The following EXD3 variants were observed in gnomAD, a reference collection of about 807,000 sequenced individuals.
EXD3 encodes the protein exonuclease mut-7 homolog.
A neutral mutation model predicts 98.0 loss-of-function variants in EXD3; 92 were observed. The observed-to-expected ratio is 0.94, with a 90% CI of 0.79 to 1.12. The LOEUF (loss-of-function observed/expected upper bound fraction) is 1.12, where lower values mean the gene tolerates loss of function less well. EXD3 is among the 50% of genes most tolerant of loss of function. The pLI, the probability that EXD3 is intolerant of heterozygous loss-of-function variation, is 0.00. For synonymous variants in EXD3, 569 were observed against 526.0 expected (o/e 1.08, Z -1.12); for missense variants, 1,222 against 1,191.6 (o/e 1.03, Z -0.38).
rs1835138150 is a variant in EXD3, at chr9:137,364,769, TG to T, written c.656+1723del. ...TCAATGCATTCACTGTTTTGTTCTA[TG>T]TTTTTTTTTTTTTTTTGAGACTGAG... On this transcript the variant is annotated intron_variant, in intron 7 of 21. Transcript: ENST00000340951. Among the ~76,000 whole-genome samples the T allele has an allele frequency of 3.9e-5, 4 of 101,434 alleles. No individual in the cohort carries two copies. In the South Asian group the frequency reaches 1.9e-3, roughly 48 times the overall value. The allele number at this position is 101,434 out of a possible 152,430, so 66.5% of individuals were successfully genotyped here.
chr9:137,406,604 C>T (rs1459966732), intron 1 of EXD3, among the ~76,000 whole-genome samples: 1 of 152,224 alleles, frequency 6.6e-6, no homozygotes, highest in Non-Finnish European at 1.5e-5. Context: ...CCCTCGACCC[C>T]CAGACGGCAG....
chr9:137,318,905 C>T (rs1021092933), intron 19 of EXD3, among the ~76,000 whole-genome samples: 2 of 152,270 alleles, frequency 1.3e-5, no homozygotes, highest in Non-Finnish European at 2.9e-5. Flanking sequence ...CTGTTGCTCA[C>T]TCCCTGCTGT....
chr9:137,373,093 A>G, intron 4 of EXD3, 21 bp from the exon 5 acceptor site: 1 of 1,538,908 alleles, frequency 6.5e-7, no homozygotes, highest in East Asian at 2.3e-5. Flanking sequence ...AGGGACCCAG[A>G]CTTACTGGAC....
chr9:137,412,753 T>A (rs1174735141), intron 1 of EXD3, among the ~76,000 whole-genome samples: 1 of 152,218 alleles, frequency 6.6e-6, no homozygotes, highest in Non-Finnish European at 1.5e-5. Context: ...CAAAGGGAAT[T>A]CCATGTGTTT....
At chr9:137,344,714 C>T (rs1040156530) in intron 17 of EXD3, among the ~76,000 whole-genome samples, 38 of 152,204 alleles carry the variant, frequency 2.5e-4, no homozygotes, top group African/African-American at 8.9e-4. Context: ...TAAGAGCGCT[C>T]CCCTCAGTCC....
intron 19 of EXD3, among the ~76,000 whole-genome samples, chr9:137,317,935 G>A (rs1831781545): frequency 2.0e-5 from 3 of 152,174 alleles, no homozygotes; most frequent in Non-Finnish European, 4.4e-5. Flanking sequence ...ACATGGGGGT[G>A]CCAAGCGTGG....
intron 2 of EXD3, 120 bp from the exon 3 acceptor site, chr9:137,383,497 C>A (rs888379169): frequency 9.9e-5 from 69 of 696,746 alleles, no homozygotes; most frequent in Non-Finnish European, 1.5e-4. Context: ...ACCCGGGGGG[C>A]CGGGAACCCT....
rs542474239 is a variant in EXD3 at position 137,382,074 on chromosome 9, GC to G, written c.120+1238del. Among the ~76,000 whole-genome samples, 31 of 127,892 alleles carry G rather than the reference GC, an allele frequency of 2.4e-4. No individual in the cohort carries two copies. The East Asian group carries it at 3.8e-3, about 16-fold the overall frequency. The allele number at this position is 127,892 out of a possible 152,430, so 83.9% of individuals were successfully genotyped here. A position where few individuals can be genotyped will look rare whatever the true frequency, so the allele number is the denominator to read the frequency against. ...GAGGGCGCGCGGAGGAGGTGAGGGCGCGCGGTGGAGGTCAGGGCGGCGGTGG... is the reference window on the plus strand; with the variant it reads ...GAGGGCGCGCGGAGGAGGTGAGGGCGGCGGTGGAGGTCAGGGCGGCGGTGG... On this transcript the variant is annotated intron_variant, in intron 3 of 21. Coordinates refer to ENST00000340951, the MANE Select transcript of EXD3 (RefSeq NM_017820.5).
intron 5 of EXD3, among the ~76,000 whole-genome samples, chr9:137,370,791 C>CTT (rs1158053438): frequency 0.018 from 2,296 of 129,962 alleles, 49 homozygotes; most frequent in African/African-American, 0.051. Context: ...CCAAGAGGGC[C>CTT]TTTTTTTTTT....
At position 137,349,443 on chromosome 9, in the gene EXD3, G is replaced by A. The variant is rs528975967; in HGVS notation, c.1583C>T (p.Thr528Ile). ...LSLLVQQVLGTALDKTQQLSN... is the reference protein window; with the variant it reads ...LSLLVQQVLGIALDKTQQLSN... ...CAGCTGCTGCGTCTTGTCCAGGGCTGTGCCCAGCACCTGCTGCACCAGGAG... is the reference window on the plus strand; with the variant it reads ...CAGCTGCTGCGTCTTGTCCAGGGCTATGCCCAGCACCTGCTGCACCAGGAG... Residue 528 changes from threonine to isoleucine, a missense_variant, in exon 15 of 22, where the codon ACA (threonine) becomes ATA (isoleucine). Transcript: ENST00000340951. The surrounding 1 kb of genome is among the most constrained non-coding windows in gnomAD (Gnocchi z 7.4). The A allele has an allele frequency of 1.9e-6, 3 of 1,601,832 alleles. No individual in the cohort carries two copies. Among genetic ancestry groups the A allele is most frequent in the African/African-American group, 1.3e-5 (1 of 74,924 alleles).
chr9:137,362,652 G>A (rs1004951765), intron 7 of EXD3, among the ~76,000 whole-genome samples: 5 of 151,998 alleles, frequency 3.3e-5, no homozygotes, highest in African/African-American at 4.8e-5. Flanking sequence ...GTGAGCCACC[G>A]TGCACGGCCC....
Position 137,381,273 on chromosome 9 carries a change from G to C in EXD3, c.120+2040C>G, listed in dbSNP as rs572482057. The stretch of plus-strand genomic sequence containing the variant: ...TAAAAATACAAAAAAAAAATTAGTC[G>C]GGCGTGGTGGCGCGCGCCTGTAATC... On this transcript the variant is annotated intron_variant, in intron 3 of 21. Transcript: ENST00000340951. The C allele has an allele frequency of 2.7e-5, 4 of 148,776 alleles. No homozygotes were observed. The South Asian group carries it at 6.3e-4, about 23-fold the overall frequency. 9.2% of individuals were successfully genotyped at this position (148,776 alleles called of 1,614,324 possible). A position where few individuals can be genotyped will look rare whatever the true frequency, so the allele number is the denominator to read the frequency against.
At chr9:137,416,733 T>C (rs1838250016) in intron 1 of EXD3, among the ~76,000 whole-genome samples, 1 of 152,096 alleles carries the variant, frequency 6.6e-6, no homozygotes, top group African/African-American at 2.4e-5. Flanking sequence ...TTCCAGGACC[T>C]GGTTCCCCGT....
chr9:137,320,756 C>G (rs1000807816), intron 19 of EXD3, among the ~76,000 whole-genome samples: 1 of 152,210 alleles, frequency 6.6e-6, no homozygotes, highest in Admixed American at 6.5e-5. Context: ...GGGGCACTCC[C>G]CAGCACCCGG....
chr9:137,349,788 C>T lies in EXD3; in HGVS notation c.1495-257G>A, dbSNP rs1170126657. Among the ~76,000 whole-genome samples, 1 of 152,152 alleles carries T rather than the reference C, an allele frequency of 6.6e-6. No individual in the cohort carries two copies. The highest frequency in any genetic ancestry group is 6.5e-5 in the Admixed American group (1 of 15,280). On this transcript the variant is annotated intron_variant, in intron 14 of 21. Transcript: ENST00000340951. The surrounding 1 kb of genome is among the most constrained non-coding windows in gnomAD (Gnocchi z 7.4). ...GCAGTCCCACGGTAACCCCGCCCAG[C>T]CCCTCACAGCCTCAGAGAGCCCGGG...
At chr9:137,368,610 C>T (rs1835395447) in intron 5 of EXD3, among the ~76,000 whole-genome samples, 1 of 152,240 alleles carries the variant, frequency 6.6e-6, no homozygotes, top group African/African-American at 2.4e-5. Context: ...GCTCCCATAG[C>T]CAGCAAAAAT....
chr9:137,350,612 T>G (rs1171755670), intron 14 of EXD3, among the ~76,000 whole-genome samples: 8 of 22,050 alleles, frequency 3.6e-4, no homozygotes, highest in Non-Finnish European at 3.6e-4. Flanking sequence ...CGGGGAGGGT[T>G]CTAGATAGAG....
intron 10 of EXD3, chr9:137,353,275 T>C: frequency 1.0e-6 from 1 of 985,118 alleles, no homozygotes; most frequent in Non-Finnish European, 1.2e-6. Flanking sequence ...AAGCCTCCAC[T>C]GACCTTCCCG....
At chr9:137,391,623 G>A (rs1408342571) in intron 2 of EXD3, among the ~76,000 whole-genome samples, 1 of 147,928 alleles carries the variant, frequency 6.8e-6, no homozygotes, top group East Asian at 2.1e-4. Context: ...CTCTGCCAGA[G>A]GGCCGGCCTC....
Sources: gnomAD v4.1 joint callset for allele counts (sites outside exome capture counted in the v4.1 genomes callset) on GRCh38, gnomAD v4.1.1 for gene constraint, Gnocchi (gnomAD v3.1) non-coding constraint, MANE v1.5 for transcripts, NCBI Gene and HGNC (gene_info 2026-07-23, HGNC 2026-07-21) for gene names.